Variants in CTDSP2 observed in about 807,000 individuals in gnomAD.
CTDSP2 encodes the protein CTD small phosphatase 2, also known as carboxy-terminal domain RNA polymerase II polypeptide A small phosphatase 2.
In CTDSP2, 9 loss-of-function variants were observed where a neutral mutation model predicts 31.6. That is an observed-to-expected ratio of 0.28 (90% confidence interval 0.17 to 0.50). The LOEUF (loss-of-function observed/expected upper bound fraction) is 0.50. Among genes scored for constraint, CTDSP2 ranks in the 20% least tolerant of loss-of-function variants. CTDSP2 has a pLI of 0.98. For missense variants in CTDSP2, 267 were observed against 348.5 expected, an observed-to-expected ratio of 0.77 and a Z score of 1.86; for synonymous variants, 134 against 134.5, an observed-to-expected ratio of 1.00 and a Z score of 0.03.
chr12:57,843,916 G>C (rs988802246), intron 1 of CTDSP2, among the ~76,000 whole-genome samples: 1 of 152,084 alleles, frequency 6.6e-6, no homozygotes, highest in Admixed American at 6.6e-5. Flanking sequence ...CATGGGGAGG[G>C]GCCGGGCGCG....
At chr12:57,826,283 C>T (rs1956181943) in intron 5 of CTDSP2, 63 bp downstream of exon 5, 19 of 1,467,874 alleles carry the variant, frequency 1.3e-5, no homozygotes, top group Middle Eastern at 2.1e-4. Flanking sequence ...GACCCCAGTA[C>T]AGGTGAGGCA....
chr12:57,829,021 G>A (rs556543559), intron 2 of CTDSP2, among the ~76,000 whole-genome samples: 3 of 152,356 alleles, frequency 2.0e-5, no homozygotes, highest in African/African-American at 7.2e-5. Context: ...AGGCTTTAGA[G>A]CCAGAGAAAT....
At chr12:57,842,235 TACAAACACTTTAATTCTTC>T (rs1164540523) in intron 1 of CTDSP2, 1 of 152,250 alleles carries the variant, frequency 6.6e-6, no homozygotes, top group Non-Finnish European at 1.5e-5. Context: ...CATGCTTATT[TACAAACACTTTAATTCTTC>T]ACAGGTTGGG....
chr12:57,835,517 G>A (rs527256955), intron 1 of CTDSP2, among the ~76,000 whole-genome samples: 2 of 152,298 alleles, frequency 1.3e-5, no homozygotes, highest in African/African-American at 4.8e-5. Context: ...TCCAGCGGAT[G>A]CCATGTAGCC....
intron 1 of CTDSP2, 54 bp from the exon 2 acceptor site, chr12:57,829,650 C>T (rs1268334813): frequency 6.6e-6 from 10 of 1,508,586 alleles, no homozygotes; most frequent in Middle Eastern, 1.7e-4. Flanking sequence ...AGTTTCTGTC[C>T]ACAGATACTA....
At position 57,846,436 on chromosome 12, in the gene CTDSP2, C is replaced by G; in HGVS notation, c.-1G>C. On this transcript the variant is annotated 5_prime_UTR_variant, in exon 1 of 8. Transcript: ENST00000398073. ...GGGTGATGATGGAGCCGTGTTCCAT[C>G]TAACAATCCCGCGGGCCCGGGCTGG... The G allele has an allele frequency of 6.3e-7, 1 of 1,594,856 alleles. No homozygotes were observed. The highest frequency in any genetic ancestry group is 8.5e-7 in the Non-Finnish European group (1 of 1,171,656).
chr12:57,840,182 C>T (rs1269423373), intron 1 of CTDSP2, among the ~76,000 whole-genome samples: 1 of 152,238 alleles, frequency 6.6e-6, no homozygotes, highest in African/African-American at 2.4e-5. Context: ...ACATGCATGC[C>T]TGACCCACCT....
intron 1 of CTDSP2, among the ~76,000 whole-genome samples, chr12:57,834,135 G>A (rs1484922635): frequency 3.3e-5 from 5 of 152,126 alleles, no homozygotes; most frequent in South Asian, 2.1e-4. Context: ...AATGGGAGGT[G>A]TAGGGGCACT....
chr12:57,834,585 T>C (rs1285792610), intron 1 of CTDSP2, among the ~76,000 whole-genome samples: 1 of 152,190 alleles, frequency 6.6e-6, no homozygotes, highest in African/African-American at 2.4e-5. Flanking sequence ...AAGACCTGCA[T>C]TGTTCCTTGG....
chr12:57,843,954 T>C (rs1329418404), intron 1 of CTDSP2, among the ~76,000 whole-genome samples: 1 of 151,158 alleles, frequency 6.6e-6, no homozygotes, highest in Non-Finnish European at 1.5e-5. Flanking sequence ...TCCCAGCACT[T>C]TGGGAGGCCG....
chr12:57,824,967 C>T (rs1956173925), intron 5 of CTDSP2, among the ~76,000 whole-genome samples: 1 of 152,138 alleles, frequency 6.6e-6, no homozygotes. Flanking sequence ...ATGACTCTAG[C>T]CTACACAGCT....
intron 2 of CTDSP2, among the ~76,000 whole-genome samples, chr12:57,828,378 G>A (rs1254569707): frequency 6.8e-6 from 1 of 147,992 alleles, no homozygotes; most frequent in Non-Finnish European, 1.5e-5. Context: ...AAGATCGCAC[G>A]CCATTGCACT....
intron 1 of CTDSP2, among the ~76,000 whole-genome samples, chr12:57,834,805 C>G (rs7489290): frequency 0.34 from 51,423 of 151,966 alleles, 9,624 homozygotes; most frequent in East Asian, 0.74. Flanking sequence ...AGGCCCACAG[C>G]GATTTCCTTC....
Position 57,846,637 on chromosome 12 carries a change from C to T in CTDSP2, c.-202G>A, listed in dbSNP as rs1040801492. ...AAAGGGCGGGCGGCCCGGGCAGCGG[C>T]TCCCCCGGGTGCCCCCGGCCCCGAT... On this transcript the variant is annotated 5_prime_UTR_variant, in exon 1 of 8. Transcript: ENST00000398073. 2.1e-6 allele frequency: 1 copy of T among 466,944 alleles called. No individual in the cohort carries two copies. Among genetic ancestry groups the T allele is most frequent in the Admixed American group, 4.5e-5 (1 of 22,284 alleles). 28.9% of individuals were successfully genotyped at this position (466,944 alleles called of 1,614,324 possible).
chr12:57,839,603 A>G (rs1038544399), intron 1 of CTDSP2, among the ~76,000 whole-genome samples: 7 of 152,122 alleles, frequency 4.6e-5, no homozygotes, highest in Non-Finnish European at 7.4e-5. Flanking sequence ...CTGTAGTCCC[A>G]GCTACTCAGG....
chr12:57,841,769 T>C (rs1956283763), intron 1 of CTDSP2, among the ~76,000 whole-genome samples: 1 of 152,178 alleles, frequency 6.6e-6, no homozygotes, highest in African/African-American at 2.4e-5. Context: ...ACTGTGTCCT[T>C]GGGGGAATGG....
At chr12:57,837,989 A>C (rs1301921837) in intron 1 of CTDSP2, among the ~76,000 whole-genome samples, 1 of 152,186 alleles carries the variant, frequency 6.6e-6, no homozygotes, top group Admixed American at 6.5e-5. Context: ...CTAGAGAGGT[A>C]AGAGGACTCA....
chr12:57,841,149 T>C (rs960783976), intron 1 of CTDSP2, among the ~76,000 whole-genome samples: 1 of 152,184 alleles, frequency 6.6e-6, no homozygotes, highest in African/African-American at 2.4e-5. Flanking sequence ...GAGGGAAATA[T>C]GTCAGGGCCA....
intron 1 of CTDSP2, among the ~76,000 whole-genome samples, chr12:57,845,921 G>A (rs1956312746): frequency 6.6e-6 from 1 of 152,190 alleles, no homozygotes; most frequent in African/African-American, 2.4e-5. Context: ...GCTTGGGGGG[G>A]CCTGCAAGTG....
Sources: gnomAD v4.1 joint callset for allele counts (sites outside exome capture counted in the v4.1 genomes callset) on GRCh38, gnomAD v4.1.1 for gene constraint, MANE v1.5 for transcripts, NCBI Gene and HGNC (gene_info 2026-07-23, HGNC 2026-07-21) for gene names.